Variants in C5orf47 observed in about 807,000 individuals in gnomAD.
The protein encoded by C5orf47 is uncharacterized protein C5orf47.
C5orf47 carries 20 observed loss-of-function variants against 20.6 expected under a neutral mutation model. That is an observed-to-expected ratio of 0.97 (90% CI 0.68 to 1.41). The LOEUF (loss-of-function observed/expected upper bound fraction) is 1.41. Ranked by LOEUF, C5orf47 falls within the 40% of genes most tolerant of loss-of-function variation. C5orf47 has a pLI of 0.00. For missense variants in C5orf47, 262 were observed against 238.4 expected (o/e 1.10, Z -0.65); for synonymous variants, 106 against 97.3 (o/e 1.09, Z -0.53).
intron 2 of C5orf47, among the ~76,000 whole-genome samples, chr5:173,998,710 G>A (rs1013063856): frequency 2.0e-5 from 3 of 152,170 alleles, no homozygotes; most frequent in Non-Finnish European, 2.9e-5. Context: ...TTGTCCAAAT[G>A]TCATGGTAAC....
At chr5:173,989,780 C>T (rs1000445967) in intron 1 of C5orf47, among the ~76,000 whole-genome samples, 192 bp downstream of exon 1, 4 of 152,206 alleles carry the variant, frequency 2.6e-5, no homozygotes, top group East Asian at 1.9e-4. Context: ...GTGGCCGGCA[C>T]GGGCACCTGA....
chr5:173,995,717 C>G (rs1759077016), intron 1 of C5orf47, among the ~76,000 whole-genome samples: 1 of 152,208 alleles, frequency 6.6e-6, no homozygotes, highest in Non-Finnish European at 1.5e-5. Context: ...GCATGTCTAG[C>G]ACACAGTGGA....
At chr5:173,994,169 C>T (rs902312335) in intron 1 of C5orf47, among the ~76,000 whole-genome samples, 3 of 152,202 alleles carry the variant, frequency 2.0e-5, no homozygotes, top group African/African-American at 7.2e-5. Context: ...AGTGCATGGT[C>T]TGTCGTCGTC....
chr5:174,006,510 C>T (rs1759295843), downstream of C5orf47, among the ~76,000 whole-genome samples: 1 of 152,082 alleles, frequency 6.6e-6, no homozygotes, highest in African/African-American at 2.4e-5. Context: ...AATATTTAAG[C>T]ATAGGAACTA....
chr5:174,001,771 T>G (rs1759200042), intron 4 of C5orf47, among the ~76,000 whole-genome samples: 1 of 151,870 alleles, frequency 6.6e-6, no homozygotes, highest in East Asian at 1.9e-4. Context: ...CTTTACATAT[T>G]CACTCTGAGA....
downstream of C5orf47, among the ~76,000 whole-genome samples, chr5:174,007,542 T>C (rs1759310379): frequency 6.6e-6 from 1 of 151,606 alleles, no homozygotes; most frequent in South Asian, 2.1e-4. Flanking sequence ...GCCTCAGGGC[T>C]ATGTTAACTC....
At position 174,005,051 on chromosome 5, in the gene C5orf47, T is replaced by C. The variant is rs1040412138; in HGVS notation, c.*797T>C. ...CTCAACATTAAGTAGTAATCAACTT[T>C]TACCTCCGCCAGTTTTTCTGCTTTT... On this transcript the variant is annotated 3_prime_UTR_variant, in exon 5 of 5. Coordinates refer to ENST00000340147, the MANE Select transcript of C5orf47 (RefSeq NM_001144954.2). 3 of 152,164 alleles carry C rather than the reference T, an allele frequency of 2.0e-5. No individual in the cohort carries two copies. The highest frequency in any genetic ancestry group is 2.9e-5 in the Non-Finnish European group (2 of 68,026). 9.4% of individuals were successfully genotyped at this position (152,164 alleles called of 1,614,324 possible). A position where few individuals can be genotyped will look rare whatever the true frequency, so the allele number is the denominator to read the frequency against.
In C5orf47 at chr5:174,005,879, C is replaced by T. The variant is rs924820734; in HGVS notation, c.*1625C>T. ...CTGGATACAAACTCAGTTTATTTCA[C>T]TGTTCTAGAACCATGGAGGAATGAA... On this transcript the variant is annotated 3_prime_UTR_variant, in exon 5 of 5. Coordinates refer to ENST00000340147, the MANE Select transcript of C5orf47 (RefSeq NM_001144954.2). 5.3e-5 allele frequency: 8 copies of T among 152,292 alleles called. No homozygotes were observed. The highest frequency in any genetic ancestry group is 1.0e-4 in the Non-Finnish European group (7 of 68,016). 9.4% of individuals were successfully genotyped at this position (152,292 alleles called of 1,614,324 possible). A position where few individuals can be genotyped will look rare whatever the true frequency, so the allele number is the denominator to read the frequency against.
intron 4 of C5orf47, among the ~76,000 whole-genome samples, chr5:174,003,747 A>G (rs1045557227): frequency 6.6e-6 from 1 of 152,102 alleles, no homozygotes; most frequent in African/African-American, 2.4e-5. Flanking sequence ...AATGAGAGAG[A>G]TGATTGTGGG....
chr5:173,989,201 G>A lies in C5orf47; in HGVS notation c.-63G>A. The A allele has an allele frequency of 7.5e-7, 1 of 1,340,452 alleles. No individual in the cohort carries two copies. Among genetic ancestry groups the A allele is most frequent in the South Asian group, 1.9e-5 (1 of 52,108 alleles). The allele number at this position is 1,340,452 out of a possible 1,614,324, so 83.0% of individuals were successfully genotyped here. The stretch of plus-strand genomic sequence containing the variant: ...TCCCGCATCCCTCGCCTGCACAGTG[G>A]GCAGTCTGGCGCCTGTGGCGTCGTG... On this transcript the variant is annotated 5_prime_UTR_variant, in exon 1 of 5. Coordinates refer to ENST00000340147, the MANE Select transcript of C5orf47 (RefSeq NM_001144954.2).
rs1002218096 is a variant in C5orf47, at chr5:173,989,411, C to T, written c.148C>T (p.Arg50Cys). ...LWGQGPGAGC[R>C]QEKPREAMAV... ...GGGTCAGGGGCCTGGGGCAGGCTGT[C>T]GCCAGGAGAAGCCGAGGGAAGCAAT... The change falls in exon 1 of 5, where the codon CGC becomes TGC. Residue 50 changes from arginine (R) to cysteine (C), a missense_variant. Transcript: ENST00000340147. 6.5e-7 allele frequency: 1 copy of T among 1,546,510 alleles called. No individual in the cohort carries two copies. Among genetic ancestry groups the T allele is most frequent in the Non-Finnish European group, 8.7e-7 (1 of 1,144,618 alleles).
intron 1 of C5orf47, among the ~76,000 whole-genome samples, chr5:173,996,381 A>G (rs1446304940): frequency 2.6e-5 from 4 of 152,192 alleles, no homozygotes; most frequent in African/African-American, 9.7e-5. Flanking sequence ...CGTCTTCTGT[A>G]CTTGTATTTT....
At position 173,989,603 on chromosome 5, in the gene C5orf47, C is replaced by A; in HGVS notation, c.325+15C>A. ...GGCGCGTGCAGGTGGTGCAGCGGGGCAGGGCGGGACCGGGCGCGGCGGGGC... is the reference window on the plus strand; with the variant it reads ...GGCGCGTGCAGGTGGTGCAGCGGGGAAGGGCGGGACCGGGCGCGGCGGGGC... On this transcript the variant is annotated intron_variant, in intron 1 of 4. Transcript: ENST00000340147. The A allele has an allele frequency of 7.1e-7, 1 of 1,406,762 alleles. No individual in the cohort carries two copies. The highest frequency in any genetic ancestry group is 1.5e-5 in the South Asian group (1 of 64,662). The allele number at this position is 1,406,762 out of a possible 1,614,324, so 87.1% of individuals were successfully genotyped here.
chr5:173,992,622 C>T (rs940102130), intron 1 of C5orf47, among the ~76,000 whole-genome samples: 26 of 152,154 alleles, frequency 1.7e-4, no homozygotes, highest in Admixed American at 1.3e-3. Flanking sequence ...CTAACCACTA[C>T]TTTAAATACA....
rs1458428306 is a variant in C5orf47 at position 174,005,149 on chromosome 5, A to G, written c.*895A>G. On this transcript the variant is annotated 3_prime_UTR_variant, in exon 5 of 5. Coordinates refer to ENST00000340147, the MANE Select transcript of C5orf47 (RefSeq NM_001144954.2). The stretch of plus-strand genomic sequence containing the variant: ...AACTGGAAACTTAGGAGGGAAAGAC[A>G]AAATGAGGCTTGTTCATGATCAAAT... The G allele has an allele frequency of 1.3e-5, 2 of 152,190 alleles. No individual in the cohort carries two copies. The highest frequency in any genetic ancestry group is 1.3e-4 in the Admixed American group (2 of 15,272). The allele number at this position is 152,190 out of a possible 1,614,324, so 9.4% of individuals were successfully genotyped here.
chr5:174,006,335 T>G (rs1458059959), downstream of C5orf47, among the ~76,000 whole-genome samples: 3 of 152,214 alleles, frequency 2.0e-5, no homozygotes, highest in Non-Finnish European at 4.4e-5. Flanking sequence ...TGCTTAGTTG[T>G]GCAGGGAAGG....
downstream of C5orf47, among the ~76,000 whole-genome samples, chr5:174,008,373 G>A (rs1561651234): frequency 1.3e-5 from 2 of 152,250 alleles, no homozygotes; most frequent in East Asian, 1.9e-4. Context: ...GGTGTAAGCA[G>A]TCCTGCTGCT....
Position 174,004,655 on chromosome 5 carries a change from T to A in C5orf47, c.*401T>A, listed in dbSNP as rs1759255598. The A allele has an allele frequency of 6.6e-6, 1 of 152,316 alleles. No individual in the cohort carries two copies. The allele number at this position is 152,316 out of a possible 1,614,324, so 9.4% of individuals were successfully genotyped here. On this transcript the variant is annotated 3_prime_UTR_variant, in exon 5 of 5. Coordinates refer to ENST00000340147, the MANE Select transcript of C5orf47 (RefSeq NM_001144954.2). ...GTTCATCTCTTCTTTTAGATGTAACTCTTAAATTAAACTTGGATTCATTTA... is the reference window on the plus strand; with the variant it reads ...GTTCATCTCTTCTTTTAGATGTAACACTTAAATTAAACTTGGATTCATTTA...
chr5:173,990,921 C>T (rs959778579), intron 1 of C5orf47, among the ~76,000 whole-genome samples: 1 of 152,182 alleles, frequency 6.6e-6, no homozygotes, highest in Non-Finnish European at 1.5e-5. Flanking sequence ...ACAATTCACC[C>T]GTTTTGCATG....
Sources: allele counts gnomAD v4.1 joint callset (sites outside exome capture counted in the v4.1 genomes callset), GRCh38; gene constraint gnomAD v4.1.1; transcripts MANE v1.5; gene names NCBI Gene and HGNC (gene_info 2026-07-23, HGNC 2026-07-21).